CDH4: variants seen among roughly 807,000 people sequenced by gnomAD.
CDH4 encodes the protein cadherin-4.
A neutral mutation model predicts 86.0 loss-of-function variants in CDH4; 33 were observed. That is an observed-to-expected ratio of 0.38 (90% CI 0.29 to 0.51). The LOEUF is 0.51. Ranked by LOEUF, CDH4 falls within the 20% of genes least tolerant of loss-of-function variation. The pLI, the probability that CDH4 is intolerant of heterozygous loss-of-function variation, is 0.86. For synonymous variants in CDH4, 555 were observed against 549.4 expected, an observed-to-expected ratio of 1.01 and a Z score of -0.14; for missense variants, 1,114 against 1,307.4, an observed-to-expected ratio of 0.85 and a Z score of 2.28.
At chr20:61,338,741 A>C (rs576476813) in intron 2 of CDH4, among the ~76,000 whole-genome samples, 2 of 152,340 alleles carry the variant, frequency 1.3e-5, no homozygotes, top group East Asian at 3.9e-4. Context: ...TATACTTAAT[A>C]GTTCCCCAGA....
intron 4 of CDH4, among the ~76,000 whole-genome samples, chr20:61,805,791 C>G (rs138117659): frequency 3.3e-5 from 5 of 152,368 alleles, no homozygotes; most frequent in African/African-American, 1.2e-4. Context: ...CCAAGATCAT[C>G]CAGCCCTGTG....
chr20:61,282,536 G>GGTGTGT (rs11472190), intron 2 of CDH4, among the ~76,000 whole-genome samples: 1 of 146,642 alleles, frequency 6.8e-6, no homozygotes, highest in African/African-American at 2.5e-5. Flanking sequence ...TCTTTGGCAT[G>GGTGTGT]GTGTGTGTGC....
chr20:61,321,209 C>T (rs1024669115), intron 2 of CDH4, among the ~76,000 whole-genome samples: 1 of 152,134 alleles, frequency 6.6e-6, no homozygotes, highest in Admixed American at 6.5e-5. Context: ...AGAGCTCTGG[C>T]GTTTATTTAA....
chr20:61,688,686 C>T lies in CDH4; in HGVS notation c.170-54877C>T, dbSNP rs147294805. 1.1e-3 allele frequency among the ~76,000 whole-genome samples: 164 copies of T among 152,382 alleles called. 1 individual carries two copies. The highest frequency in any genetic ancestry group is 3.4e-3 in the Middle Eastern group (1 of 294). On this transcript the variant is annotated intron_variant, in intron 2 of 15. Transcript: ENST00000614565. Reference sequence around the variant, plus strand: ...ATAACCATGTGCATGCCGCCTCTCCCGCTCAGAGAGCTTCCGCCAGTGCCC... The same window carrying T: ...ATAACCATGTGCATGCCGCCTCTCCTGCTCAGAGAGCTTCCGCCAGTGCCC...
chr20:61,924,341 A>AAGCTGTCAGACCCAGCGAGCT lies in CDH4; in HGVS notation c.1637_1657dup (p.Ser552_Trp553insTer). On this transcript the variant is annotated stop_gained and inframe_insertion, in exon 11 of 16. Transcript: ENST00000614565. LOFTEE classifies it high-confidence loss of function. ...CACTTGTGGTCTCCGCAGATACTCA[A>AAGCTGTCAGACCCAGCGAGCT]AGCTGTCAGACCCAGCGAGCTGGCT... 6.2e-7 allele frequency: 1 copy of AAGCTGTCAGACCCAGCGAGCT among 1,613,362 alleles called. No homozygotes were observed. Among genetic ancestry groups the AAGCTGTCAGACCCAGCGAGCT allele is most frequent in the Non-Finnish European group, 8.5e-7 (1 of 1,179,828 alleles).
chr20:61,683,026 T>C (rs1303371535), intron 2 of CDH4, among the ~76,000 whole-genome samples: 1 of 152,138 alleles, frequency 6.6e-6, no homozygotes, highest in African/African-American at 2.4e-5. Flanking sequence ...TTTATAAAGA[T>C]GGAAATGACA....
chr20:61,866,305 G>T (rs1485547168), intron 6 of CDH4, among the ~76,000 whole-genome samples: 4 of 152,134 alleles, frequency 2.6e-5, no homozygotes, highest in Non-Finnish European at 5.9e-5. Flanking sequence ...TGGACAGCCA[G>T]GGTTTTCCAC....
intron 2 of CDH4, among the ~76,000 whole-genome samples, chr20:61,445,091 C>T (rs1026425547): frequency 1.1e-4 from 16 of 152,124 alleles, no homozygotes; most frequent in African/African-American, 3.4e-4. Context: ...GTGCTTGCTA[C>T]GGGGAATTCT....
intron 2 of CDH4, among the ~76,000 whole-genome samples, chr20:61,283,439 GGTGTGTGTGATGTGTGT>G (rs1568780973): frequency 1.2e-3 from 28 of 24,316 alleles, no homozygotes; most frequent in Admixed American, 5.6e-3. Flanking sequence ...CGTGTGCTGT[GGTGTGTGTGATGTGTGT>G]GCGTTTGCAC....
At chr20:61,515,205 C>T (rs1404990944) in intron 2 of CDH4, among the ~76,000 whole-genome samples, 1 of 152,274 alleles carries the variant, frequency 6.6e-6, no homozygotes, top group Non-Finnish European at 1.5e-5. Flanking sequence ...GCAGGCCCTG[C>T]TGCTGTCCAT....
At chr20:61,400,075 G>T (rs559616576) in intron 2 of CDH4, among the ~76,000 whole-genome samples, 141 of 152,336 alleles carry the variant, frequency 9.3e-4, no homozygotes, top group African/African-American at 3.1e-3. Flanking sequence ...CCACAAGTGG[G>T]CTGTGGCCTG....
chr20:61,683,481 C>A (rs1444503675), intron 2 of CDH4, among the ~76,000 whole-genome samples: 1 of 152,086 alleles, frequency 6.6e-6, no homozygotes, highest in Non-Finnish European at 1.5e-5. Context: ...GGCCCGTGGG[C>A]AGGTGCCCCG....
chr20:61,313,240 AG>A (rs1196277630), intron 2 of CDH4, among the ~76,000 whole-genome samples: 11 of 152,018 alleles, frequency 7.2e-5, no homozygotes, highest in African/African-American at 2.7e-4. Flanking sequence ...GGATTTGCGG[AG>A]TGGTTCAGCA....
chr20:61,527,001 C>A (rs903874707), intron 2 of CDH4, among the ~76,000 whole-genome samples: 3 of 152,232 alleles, frequency 2.0e-5, no homozygotes, highest in Non-Finnish European at 1.5e-5. Flanking sequence ...TGTGTGGGAG[C>A]CCCGCACCGG....
At chr20:61,776,618 G>C (rs761069045) in intron 4 of CDH4, among the ~76,000 whole-genome samples, 3 of 152,234 alleles carry the variant, frequency 2.0e-5, no homozygotes, top group Non-Finnish European at 2.9e-5. Context: ...AGCGGAAGGA[G>C]GCAGTGAGGT....
intron 2 of CDH4, among the ~76,000 whole-genome samples, chr20:61,495,164 C>T (rs1355103352): frequency 6.6e-6 from 1 of 152,236 alleles, no homozygotes. Context: ...GACCAGAAGG[C>T]GGCGGTGGCC....
At chr20:61,803,894 C>T (rs1306641075) in intron 4 of CDH4, among the ~76,000 whole-genome samples, 3 of 152,264 alleles carry the variant, frequency 2.0e-5, no homozygotes, top group Admixed American at 6.5e-5. Context: ...CGCTGCAGAG[C>T]GTGAGGCCGG....
intron 2 of CDH4, among the ~76,000 whole-genome samples, chr20:61,621,643 A>C (rs992716141): frequency 2.6e-5 from 4 of 152,216 alleles, no homozygotes; most frequent in Non-Finnish European, 4.4e-5. Flanking sequence ...AGAGGGAAAT[A>C]TTATTCCAGA....
intron 4 of CDH4, among the ~76,000 whole-genome samples, chr20:61,800,111 T>A (rs536960610): frequency 8.6e-4 from 131 of 152,284 alleles, no homozygotes; most frequent in African/African-American, 3.0e-3. Flanking sequence ...GGGGCCAGCA[T>A]CCTCTACTCC....
Sources: gnomAD v4.1 joint callset for allele counts (sites outside exome capture counted in the v4.1 genomes callset) on GRCh38, gnomAD v4.1.1 for gene constraint, MANE v1.5 for transcripts, NCBI Gene and HGNC (gene_info 2026-07-23, HGNC 2026-07-21) for gene names.